Variants in THSD4 observed in about 807,000 individuals in gnomAD.
The protein encoded by THSD4 is thrombospondin type 1 domain containing 4, also known as thrombospondin type-1 domain-containing protein 4.
Under a neutral mutation model 119.0 loss-of-function variants are expected in THSD4, and 69 were observed. The ratio of observed to expected loss-of-function variants is 0.58; its 90% CI spans 0.48 to 0.71. The LOEUF (loss-of-function observed/expected upper bound fraction) is 0.71. THSD4 is among the 30% of genes least tolerant of loss of function. THSD4 has a pLI of 0.00. For missense variants in THSD4, 1,393 were observed against 1,391.1 expected, an observed-to-expected ratio of 1.00 and a Z score of -0.02; for synonymous variants, 524 against 540.4, an observed-to-expected ratio of 0.97 and a Z score of 0.42.
At chr15:71,716,561 G>GGTGTGTGTGTGTGTGTGTGTGTGTGTGT (rs57999390) in intron 8 of THSD4, among the ~76,000 whole-genome samples, 85 of 144,612 alleles carry the variant, frequency 5.9e-4, no homozygotes, top group Non-Finnish European at 1.1e-3. Context: ...TAGAGTGTGG[G>GGTGTGTGTGTGTGTGTGTGTGTGTGTGT]GTGTGTGTGT....
intron 7 of THSD4, among the ~76,000 whole-genome samples, chr15:71,447,882 A>G (rs2047209222): frequency 6.6e-6 from 1 of 152,108 alleles, no homozygotes; most frequent in East Asian, 1.9e-4. Context: ...TGTTCTCATG[A>G]ACACATCCTG....
chr15:71,456,426 A>G (rs868522489), intron 7 of THSD4, among the ~76,000 whole-genome samples: 1 of 152,224 alleles, frequency 6.6e-6, no homozygotes, highest in Admixed American at 6.5e-5. Context: ...GCATTGTTTC[A>G]TGATTCATGG....
rs2040355098 is a variant in THSD4 at position 71,115,797 on chromosome 15, G to A, written c.-80+99G>A. 6.6e-6 allele frequency: 1 copy of A among 150,424 alleles called. No homozygotes were observed. Among genetic ancestry groups the A allele is most frequent in the African/African-American group, 2.4e-5 (1 of 41,270 alleles). The allele number at this position is 150,424 out of a possible 1,614,324, so 9.3% of individuals were successfully genotyped here. A position where few individuals can be genotyped will look rare whatever the true frequency, so the allele number is the denominator to read the frequency against. On this transcript the variant is annotated intron_variant, in intron 1 of 17. Transcript: ENST00000261862. This position sits in a 1 kb window ranked among gnomAD's most constrained non-coding sequence, Gnocchi z 4.4. Reference sequence around the variant, plus strand: ...CTCCGGCTCCCGCTCTCTGGCCGGCGGGGCGGGCTGGCGCGGGCTACCCAG... The same window carrying A: ...CTCCGGCTCCCGCTCTCTGGCCGGCAGGGCGGGCTGGCGCGGGCTACCCAG...
rs1479326781 is a variant in THSD4, at chr15:71,514,783, ATATAC to A, written c.1152+102966_1152+102970del. Among the ~76,000 whole-genome samples, 5 of 152,222 alleles carry A rather than the reference ATATAC, an allele frequency of 3.3e-5. No individual in the cohort carries two copies. In the East Asian group the frequency reaches 5.8e-4, roughly 18 times the overall value. ...AAACATTTTAAACAAAAATGGGATC[ATATAC>A]TATACGTGCTGTTTTATAATATGCC... On this transcript the variant is annotated intron_variant, in intron 7 of 17. Transcript: ENST00000261862.
chr15:71,410,762 T>TG (rs777520465), intron 6 of THSD4, among the ~76,000 whole-genome samples: 75 of 152,276 alleles, frequency 4.9e-4, no homozygotes, highest in Admixed American at 7.9e-4. Flanking sequence ...CCAGGTGTGG[T>TG]GGCTCATGCC....
intron 7 of THSD4, among the ~76,000 whole-genome samples, chr15:71,581,289 T>C (rs2140847987): frequency 6.6e-6 from 1 of 152,346 alleles, no homozygotes; most frequent in Non-Finnish European, 1.5e-5. Flanking sequence ...TGGTTTTGAT[T>C]TACATTTCCT....
chr15:71,652,431 TAG>T (rs2051110855), intron 7 of THSD4, among the ~76,000 whole-genome samples: 1 of 152,240 alleles, frequency 6.6e-6, no homozygotes, highest in African/African-American at 2.4e-5. Context: ...ACTTTTATAA[TAG>T]AGCAATTATC....
intron 7 of THSD4, among the ~76,000 whole-genome samples, chr15:71,591,171 C>G (rs1189931667): frequency 6.6e-6 from 1 of 152,072 alleles, no homozygotes; most frequent in Non-Finnish European, 1.5e-5. Flanking sequence ...CCTATTGTCA[C>G]AAAATAGGCA....
At chr15:71,147,402 A>C (rs2040673562) in intron 2 of THSD4, among the ~76,000 whole-genome samples, 1 of 151,950 alleles carries the variant, frequency 6.6e-6, no homozygotes, top group Admixed American at 6.6e-5. Context: ...TAGAGATGTG[A>C]TCTCACCATC....
At chr15:71,751,777 C>T (rs1046852981) in intron 14 of THSD4, among the ~76,000 whole-genome samples, 1 of 152,108 alleles carries the variant, frequency 6.6e-6, no homozygotes, top group African/African-American at 2.4e-5. Flanking sequence ...TAGTGATCCT[C>T]CCTCCTCAGC....
intron 8 of THSD4, among the ~76,000 whole-genome samples, chr15:71,703,927 G>A (rs998373356): frequency 2.6e-5 from 4 of 152,082 alleles, no homozygotes; most frequent in East Asian, 1.9e-4. Context: ...TCTGCTCACC[G>A]CAGGCTCTGC....
intron 1 of THSD4, among the ~76,000 whole-genome samples, chr15:71,117,970 C>T (rs968328438): frequency 2.0e-5 from 3 of 152,114 alleles, no homozygotes; most frequent in Non-Finnish European, 4.4e-5. Flanking sequence ...AAGAAATAAC[C>T]GCAATACAAG....
At chr15:71,441,946 A>G (rs1420782504) in intron 7 of THSD4, among the ~76,000 whole-genome samples, 4 of 151,852 alleles carry the variant, frequency 2.6e-5, no homozygotes, top group South Asian at 2.1e-4. Context: ...CCTTGTTGCT[A>G]TCTTTTTTGT....
At position 71,254,968 on chromosome 15, in the gene THSD4, G is replaced by A. The variant is rs145557311; in HGVS notation, c.913-1645G>A. 6.6e-3 allele frequency among the ~76,000 whole-genome samples: 1,002 copies of A among 152,258 alleles called. 6 individuals carry two copies. Among genetic ancestry groups the A allele is most frequent in the Non-Finnish European group, 9.6e-3 (655 of 68,012 alleles). ...CAGGCCACAGCAGGGTAATGACCAC[G>A]CTGGGCATTTGTACCAGCAGCCTCC... On this transcript the variant is annotated intron_variant, in intron 5 of 17. Transcript: ENST00000261862.
chr15:71,494,910 G>T (rs899259179), intron 7 of THSD4, among the ~76,000 whole-genome samples: 5 of 152,122 alleles, frequency 3.3e-5, no homozygotes, highest in Non-Finnish European at 5.9e-5. Context: ...CTCTTTCAGG[G>T]CCTAAGAAGT....
chr15:71,622,181 C>T (rs967264684), intron 7 of THSD4, among the ~76,000 whole-genome samples: 1 of 152,196 alleles, frequency 6.6e-6, no homozygotes, highest in Non-Finnish European at 1.5e-5. Context: ...CGATTTATCA[C>T]ATGTGCCATG....
At chr15:71,164,631 A>C in intron 3 of THSD4, 1 of 1,297,238 alleles carries the variant, frequency 7.7e-7, no homozygotes, top group Non-Finnish European at 1.1e-6. Flanking sequence ...TGTTAACTAT[A>C]CAAAAAAAGA....
intron 7 of THSD4, among the ~76,000 whole-genome samples, chr15:71,459,402 CTCTG>C (rs1454885681): frequency 1.6e-4 from 24 of 150,856 alleles, no homozygotes; most frequent in African/African-American, 5.3e-4. Context: ...CTCTCTCTCT[CTCTG>C]TCTCTCTCTC....
intron 6 of THSD4, among the ~76,000 whole-genome samples, chr15:71,336,235 C>T (rs766756455): frequency 2.0e-5 from 3 of 152,170 alleles, no homozygotes; most frequent in Non-Finnish European, 2.9e-5. Context: ...AATGTTACAA[C>T]CTTGGTCTGA....
Sources: gnomAD v4.1 joint callset for allele counts (sites outside exome capture counted in the v4.1 genomes callset) on GRCh38, gnomAD v4.1.1 for gene constraint, Gnocchi (gnomAD v3.1) non-coding constraint, MANE v1.5 for transcripts, NCBI Gene and HGNC (gene_info 2026-07-23, HGNC 2026-07-21) for gene names.